POLR3B: variants seen among roughly 807,000 people sequenced by gnomAD.
POLR3B encodes DNA-directed RNA polymerase III subunit RPC2.
A neutral mutation model predicts 147.4 loss-of-function variants in POLR3B; 96 were observed. The ratio of observed to expected loss-of-function variants is 0.65; its 90% confidence interval spans 0.55 to 0.77. The LOEUF (loss-of-function observed/expected upper bound fraction) is 0.77, where lower values mean the gene tolerates loss of function less well. Ranked by LOEUF, POLR3B falls within the 30% of genes least tolerant of loss-of-function variation. The pLI is 0.00. For synonymous variants in POLR3B, 461 were observed against 485.9 expected (o/e 0.95, Z 0.67); for missense variants, 1,036 against 1,413.5 (o/e 0.73, Z 4.28).
Position 106,400,425 on chromosome 12 carries a change from C to T in POLR3B, c.847-5432C>T, listed in dbSNP as rs189588779. On this transcript the variant is annotated intron_variant, in intron 10 of 27. Transcript: ENST00000228347. ...CCACTGTCAACATTAGACAGATCAA[C>T]GAGACTGAAAGTTAACCAGGAATTG... 1.7e-3 allele frequency among the ~76,000 whole-genome samples: 259 copies of T among 152,150 alleles called. 4 individuals carry two copies. The highest frequency in any genetic ancestry group is 2.6e-4 in the Non-Finnish European group (18 of 67,984).
At chr12:106,361,757 G>A (rs1565871563) in intron 1 of POLR3B, among the ~76,000 whole-genome samples, 2 of 152,130 alleles carry the variant, frequency 1.3e-5, no homozygotes, top group Non-Finnish European at 2.9e-5. Context: ...ATAGAACTTT[G>A]AAGAACACCA....
At chr12:106,392,877 G>A (rs2036929495) in intron 9 of POLR3B, among the ~76,000 whole-genome samples, 154 bp from the exon 10 acceptor site, 1 of 152,190 alleles carries the variant, frequency 6.6e-6, no homozygotes, top group Non-Finnish European at 1.5e-5. Flanking sequence ...CTGCAGCTTG[G>A]GCAAGGCTGC....
At chr12:106,390,159 A>G (rs1453543238) in intron 9 of POLR3B, among the ~76,000 whole-genome samples, 1 of 151,334 alleles carries the variant, frequency 6.6e-6, no homozygotes, top group East Asian at 1.9e-4. Context: ...CAGAGGTTGC[A>G]CTGAGTTGAG....
Position 106,466,783 on chromosome 12 carries a change from A to AG in POLR3B, c.2713+3165dup, listed in dbSNP as rs554205405. 2.2e-4 allele frequency among the ~76,000 whole-genome samples: 34 copies of AG among 152,250 alleles called. No individual in the cohort carries two copies. In the South Asian group the frequency reaches 6.6e-3, roughly 30 times the overall value. On this transcript the variant is annotated intron_variant, in intron 23 of 27. Transcript: ENST00000228347. ...TGGTAGATGTGTGGTGTTATTTCTG[A>AG]GGCCTCTGTTCTGTTCCATTGGTCT...
At chr12:106,415,117 C>T (rs549747159) in intron 12 of POLR3B, among the ~76,000 whole-genome samples, 1 of 152,290 alleles carries the variant, frequency 6.6e-6, no homozygotes, top group East Asian at 1.9e-4. Context: ...TGTTAGAGCA[C>T]AGGCCTTCAA....
At chr12:106,412,311 A>C (rs1233832605) in intron 12 of POLR3B, among the ~76,000 whole-genome samples, 3 of 152,118 alleles carry the variant, frequency 2.0e-5, no homozygotes, top group Admixed American at 6.5e-5. Context: ...TAGTTCTTTC[A>C]GTTGTAGCTT....
intron 26 of POLR3B, among the ~76,000 whole-genome samples, chr12:106,502,239 C>T (rs1200509399): frequency 6.6e-6 from 1 of 152,080 alleles, no homozygotes; most frequent in Non-Finnish European, 1.5e-5. Context: ...AACAGAGTTA[C>T]CCAGCTCAGT....
At chr12:106,446,721 CAAA>C (rs2037730933) in intron 19 of POLR3B, among the ~76,000 whole-genome samples, 2 of 152,070 alleles carry the variant, frequency 1.3e-5, no homozygotes, top group Admixed American at 1.3e-4. Context: ...GCTAGGAAGA[CAAA>C]AGCCACTGAA....
In POLR3B at chr12:106,357,794, C is replaced by G; in HGVS notation, c.-86C>G. The G allele has an allele frequency of 7.4e-7, 1 of 1,348,670 alleles. No individual in the cohort carries two copies. The highest frequency in any genetic ancestry group is 1.0e-6 in the Non-Finnish European group (1 of 959,872). 83.5% of individuals were successfully genotyped at this position (1,348,670 alleles called of 1,614,324 possible). A position where few individuals can be genotyped will look rare whatever the true frequency, so the allele number is the denominator to read the frequency against. On this transcript the variant is annotated 5_prime_UTR_variant, in exon 1 of 28. Coordinates refer to ENST00000228347, the MANE Select transcript of POLR3B (RefSeq NM_018082.6). The stretch of plus-strand genomic sequence containing the variant: ...CGGGGACAGTTTAGGCCTCCGCGCA[C>G]CGTTCGCCGGGAGTCTTGCAGTTTG...
chr12:106,408,608 G>A (rs7306277), intron 11 of POLR3B, among the ~76,000 whole-genome samples: 59,878 of 152,036 alleles, frequency 0.39, 14,026 homozygotes, highest in African/African-American at 0.66. Context: ...TTCCTCTAAT[G>A]TAGTATTAAA....
chr12:106,408,652 T>C (rs1449656103), intron 11 of POLR3B, among the ~76,000 whole-genome samples: 1 of 152,212 alleles, frequency 6.6e-6, no homozygotes, highest in Non-Finnish European at 1.5e-5. Flanking sequence ...GCAACAATTC[T>C]GTGTCAGCAT....
rs758602438 is a variant in POLR3B at position 106,357,932 on chromosome 12, C to T, written c.53C>T (p.Ala18Val). The T allele has an allele frequency of 2.1e-5, 34 of 1,613,002 alleles. No homozygotes were observed. Among genetic ancestry groups the T allele is most frequent in the Non-Finnish European group, 2.9e-5 (34 of 1,179,948 alleles). ...AACCTGACTCCGGAGCAGCTGGCGG[C>T]GCCGATCCCGACTGTAGAGGTCAGT... is the stretch of plus-strand genomic sequence containing the variant. ...FGNLTPEQLA[A>V]PIPTVEEKWR... The change falls in exon 1 of 28, where the codon GCG becomes GTG. Residue 18 changes from alanine to valine, a missense_variant. By Grantham distance (64) the Ala-to-Val change is moderately conservative. Coordinates refer to ENST00000228347, the MANE Select transcript of POLR3B (RefSeq NM_018082.6).
At chr12:106,395,975 C>T (rs1174268533) in intron 10 of POLR3B, among the ~76,000 whole-genome samples, 1 of 152,076 alleles carries the variant, frequency 6.6e-6, no homozygotes, top group Non-Finnish European at 1.5e-5. Flanking sequence ...GTTTTTTATG[C>T]CTCGCTTTGT....
At chr12:106,386,618 GAC>G (rs2036842425) in intron 9 of POLR3B, among the ~76,000 whole-genome samples, 1 of 151,858 alleles carries the variant, frequency 6.6e-6, no homozygotes, top group Non-Finnish European at 1.5e-5. Context: ...AGTTTAATAA[GAC>G]AGTTTTGCTG....
intron 19 of POLR3B, among the ~76,000 whole-genome samples, chr12:106,452,196 A>G (rs2037805622): frequency 6.6e-6 from 1 of 152,230 alleles, no homozygotes; most frequent in South Asian, 2.1e-4. Flanking sequence ...GTTTTATGAT[A>G]TAGAATAGTT....
chr12:106,376,573 A>G (rs887658663), intron 7 of POLR3B, 123 bp downstream of exon 7: 9 of 741,192 alleles, frequency 1.2e-5, no homozygotes, highest in Admixed American at 8.0e-5. Flanking sequence ...ACTTGTTCAC[A>G]AAACACCCAG....
chr12:106,493,278 T>C (rs998806434), intron 23 of POLR3B, among the ~76,000 whole-genome samples: 2 of 152,204 alleles, frequency 1.3e-5, no homozygotes, highest in Non-Finnish European at 2.9e-5. Context: ...CTTCTAAATA[T>C]TGGAATGGAC....
rs1180372838 is a variant in POLR3B, at chr12:106,405,900, G to A, written c.890G>A (p.Trp297Ter). 6.2e-7 allele frequency: 1 copy of A among 1,612,766 alleles called. No homozygotes were observed. Among genetic ancestry groups the A allele is most frequent in the East Asian group, 2.2e-5 (1 of 44,874 alleles). The part of the protein sequence containing the change: ...IGNKVRRQRM[W>*]GGGPKKTKIE... ...AACAAAGTAAGAAGGCAAAGGATGTGGGGAGGTGGACCAAAGAAAACCAAA... is the reference window on the plus strand; with the variant it reads ...AACAAAGTAAGAAGGCAAAGGATGTAGGGAGGTGGACCAAAGAAAACCAAA... The change falls in exon 11 of 28, where the codon TGG (tryptophan) becomes TAG (stop). Residue 297 changes from tryptophan (W) to a stop codon, truncating the protein, a stop_gained. Transcript: ENST00000228347. LOFTEE classifies it high-confidence loss of function.
chr12:106,463,376 C>A, intron 22 of POLR3B, 102 bp from the exon 23 acceptor site: 1 of 1,011,410 alleles, frequency 9.9e-7, no homozygotes, highest in Non-Finnish European at 1.5e-6. Context: ...ATGAAAATGT[C>A]AGAATACTCT....
Sources: allele counts gnomAD v4.1 joint callset (sites outside exome capture counted in the v4.1 genomes callset), GRCh38; gene constraint gnomAD v4.1.1; transcripts MANE v1.5; gene names NCBI Gene and HGNC (gene_info 2026-07-23, HGNC 2026-07-21).